CKAP2L: variants seen among roughly 807,000 people sequenced by gnomAD.
The protein encoded by CKAP2L is cytoskeleton-associated protein 2-like.
Under a neutral mutation model 65.7 loss-of-function variants are expected in CKAP2L, and 42 were observed. That is an observed-to-expected ratio of 0.64 (90% confidence interval 0.50 to 0.83). The LOEUF (loss-of-function observed/expected upper bound fraction) is 0.83. Ranked by LOEUF, CKAP2L falls within the 40% of genes least tolerant of loss-of-function variation. CKAP2L has a pLI of 0.00. For missense variants in CKAP2L, 908 were observed against 871.0 expected (o/e 1.04, Z -0.53); for synonymous variants, 325 against 313.5 (o/e 1.04, Z -0.39).
rs1680834335 is a variant in CKAP2L, at chr2:112,764,428, T to C, written c.37+134A>G. On this transcript the variant is annotated intron_variant, in intron 1 of 8. Coordinates refer to ENST00000302450, the MANE Select transcript of CKAP2L (RefSeq NM_152515.5). Reference sequence around the variant, plus strand: ...GGGGGTCCCGTCTGCGCTCCCGGGATGGAAAACGCCCAGGGGAAACTTAGG... The same window carrying C: ...GGGGGTCCCGTCTGCGCTCCCGGGACGGAAAACGCCCAGGGGAAACTTAGG... 1.3e-5 allele frequency: 13 copies of C among 991,924 alleles called. No individual in the cohort carries two copies. In the South Asian group the frequency reaches 1.8e-4, roughly 13 times the overall value. The allele number at this position is 991,924 out of a possible 1,614,324, so 61.4% of individuals were successfully genotyped here.
intron 4 of CKAP2L, among the ~76,000 whole-genome samples, chr2:112,755,740 A>C (rs900365813): frequency 6.9e-6 from 1 of 144,604 alleles, no homozygotes; most frequent in Non-Finnish European, 1.5e-5. Flanking sequence ...CTTAAAAAGA[A>C]AAAAAAAAAG....
chr2:112,742,858 T>A, intron 6 of CKAP2L, 89 bp from the exon 7 acceptor site: 1 of 819,870 alleles, frequency 1.2e-6, no homozygotes, highest in Non-Finnish European at 2.0e-6. Context: ...ACATGTTTTA[T>A]AATAAAAGTT....
rs531742234 is a variant in CKAP2L at position 112,737,089 on chromosome 2, C to A, written c.*1734G>T. 1 of 152,172 alleles carries A rather than the reference C, an allele frequency of 6.6e-6. No individual in the cohort carries two copies. Among genetic ancestry groups the A allele is most frequent in the Admixed American group, 6.5e-5 (1 of 15,270 alleles). The allele number at this position is 152,172 out of a possible 1,614,324, so 9.4% of individuals were successfully genotyped here. On this transcript the variant is annotated 3_prime_UTR_variant, in exon 9 of 9. Coordinates refer to ENST00000302450, the MANE Select transcript of CKAP2L (RefSeq NM_152515.5). ...TTACAGGTGCCCGTCACCATGCCCG[C>A]CTACTTTTTGTATTTTTAGTAGAGA...
At chr2:112,744,686 G>A (rs1016073118) in intron 6 of CKAP2L, among the ~76,000 whole-genome samples, 4 of 152,132 alleles carry the variant, frequency 2.6e-5, no homozygotes, top group African/African-American at 7.2e-5. Context: ...CTAGCTCCCA[G>A]GAAGGAGATT....
Position 112,738,701 on chromosome 2 carries a change from A to C in CKAP2L, c.*122T>G. The C allele has an allele frequency of 1.5e-6, 1 of 658,404 alleles. No homozygotes were observed. The highest frequency in any genetic ancestry group is 1.8e-5 in the African/African-American group (1 of 54,908). The allele number at this position is 658,404 out of a possible 1,614,324, so 40.8% of individuals were successfully genotyped here. A position where few individuals can be genotyped will look rare whatever the true frequency, so the allele number is the denominator to read the frequency against. On this transcript the variant is annotated 3_prime_UTR_variant, in exon 9 of 9. Transcript: ENST00000302450. ...GAGAGTAAGCCCAGTGAATTACTTAAGTCCTGAGCGTCCATAATCTGCATC... is the reference window on the plus strand; with the variant it reads ...GAGAGTAAGCCCAGTGAATTACTTACGTCCTGAGCGTCCATAATCTGCATC...
In CKAP2L at chr2:112,737,877, T is replaced by C. The variant is rs909387534; in HGVS notation, c.*946A>G. ...AATAAGATAAACAAGCAGGAACTAA[T>C]AGAAATTTAATGTTGTTTTAAGATA... On this transcript the variant is annotated 3_prime_UTR_variant, in exon 9 of 9. Coordinates refer to ENST00000302450, the MANE Select transcript of CKAP2L (RefSeq NM_152515.5). 5 of 152,216 alleles carry C rather than the reference T, an allele frequency of 3.3e-5. No individual in the cohort carries two copies. The highest frequency in any genetic ancestry group is 4.8e-5 in the African/African-American group (2 of 41,462). The allele number at this position is 152,216 out of a possible 1,614,324, so 9.4% of individuals were successfully genotyped here.
At chr2:112,750,707 TAA>T (rs757981583) in intron 5 of CKAP2L, among the ~76,000 whole-genome samples, 1 of 151,456 alleles carries the variant, frequency 6.6e-6, no homozygotes, top group African/African-American at 2.4e-5. Context: ...TCCTGACTGA[TAA>T]AGAGTATTAC....
intron 1 of CKAP2L, among the ~76,000 whole-genome samples, 182 bp from the exon 2 acceptor site, chr2:112,762,751 T>C (rs535893212): frequency 1.8e-4 from 27 of 152,094 alleles, no homozygotes; most frequent in Non-Finnish European, 2.9e-5. Context: ...ATCATTTATA[T>C]GCCAGGCCTA....
At chr2:112,758,470 T>C (rs538539846) in intron 3 of CKAP2L, among the ~76,000 whole-genome samples, 2 of 152,346 alleles carry the variant, frequency 1.3e-5, no homozygotes, top group Non-Finnish European at 2.9e-5. Context: ...CAGAACCATT[T>C]GGCATTGAGG....
intron 6 of CKAP2L, among the ~76,000 whole-genome samples, chr2:112,745,128 G>T (rs1680165149): frequency 1.3e-5 from 2 of 152,148 alleles, no homozygotes; most frequent in African/African-American, 4.8e-5. Context: ...AAAGTAACTT[G>T]TTCAGTCTGG....
chr2:112,753,342 T>A (rs1345764505), intron 4 of CKAP2L, among the ~76,000 whole-genome samples: 1 of 152,214 alleles, frequency 6.6e-6, no homozygotes, highest in East Asian at 1.9e-4. Flanking sequence ...CTTTGGTAAA[T>A]AGCACCCCAG....
intron 6 of CKAP2L, 25 bp downstream of exon 6, chr2:112,746,395 T>C (rs1680201204): frequency 1.3e-6 from 2 of 1,553,980 alleles, no homozygotes; most frequent in South Asian, 1.2e-5. Context: ...TTTTAAGAAG[T>C]TACCCACCCA....
intron 4 of CKAP2L, among the ~76,000 whole-genome samples, chr2:112,754,207 C>T (rs1030762318): frequency 6.6e-6 from 1 of 152,204 alleles, no homozygotes; most frequent in Non-Finnish European, 1.5e-5. Context: ...CCCCTAACGC[C>T]CCCCTCCTGG....
intron 1 of CKAP2L, 56 bp downstream of exon 1, chr2:112,764,506 A>G: frequency 6.3e-7 from 1 of 1,595,656 alleles, no homozygotes; most frequent in Non-Finnish European, 8.6e-7. Context: ...GTGGCCTCCT[A>G]CTTCCCCGGC....
chr2:112,747,879 T>C (rs1680252977), intron 5 of CKAP2L, among the ~76,000 whole-genome samples: 1 of 152,184 alleles, frequency 6.6e-6, no homozygotes, highest in African/African-American at 2.4e-5. Context: ...AGAGAGAGTA[T>C]TGCTATCCTA....
intron 1 of CKAP2L, among the ~76,000 whole-genome samples, chr2:112,762,922 T>A (rs1213525646): frequency 6.6e-6 from 1 of 152,102 alleles, no homozygotes; most frequent in Non-Finnish European, 1.5e-5. Flanking sequence ...TAGCTGGGAA[T>A]ACAGGCGTGT....
rs1271516976 is a variant in CKAP2L at position 112,737,388 on chromosome 2, TTA to T, written c.*1433_*1434del. 1 of 152,218 alleles carries T rather than the reference TTA, an allele frequency of 6.6e-6. No individual in the cohort carries two copies. The highest frequency in any genetic ancestry group is 1.9e-4 in the East Asian group (1 of 5,208). The allele number at this position is 152,218 out of a possible 1,614,324, so 9.4% of individuals were successfully genotyped here. Reference sequence around the variant, plus strand: ...CTTTTCTCCACAATCTCATCAACATTTATCTCATGTCTTGTTAATAGCCATTC... The same window carrying T: ...CTTTTCTCCACAATCTCATCAACATTTCTCATGTCTTGTTAATAGCCATTC... On this transcript the variant is annotated 3_prime_UTR_variant, in exon 9 of 9. Coordinates refer to ENST00000302450, the MANE Select transcript of CKAP2L (RefSeq NM_152515.5).
chr2:112,740,876 C>T lies in CKAP2L; in HGVS notation c.1954G>A (p.Ala652Thr), dbSNP rs1679891907. 2 of 1,613,976 alleles carry T rather than the reference C, an allele frequency of 1.2e-6. No homozygotes were observed. The highest frequency in any genetic ancestry group is 1.3e-5 in the African/African-American group (1 of 74,926). ...GGATAATTATGCTGTTCTGCCTTGG[C>T]TATTCGGGGTGTCGCCGTGACTTGT... The part of the protein sequence containing the change: ...REQVTATPRI[A>T]KAEQHNYPGI... Residue 652 changes from alanine to threonine, a missense_variant, in exon 8 of 9, where the codon GCC becomes ACC. Physicochemically the swap from Ala to Thr is moderately conservative, Grantham distance 58. Coordinates refer to ENST00000302450, the MANE Select transcript of CKAP2L (RefSeq NM_152515.5).
intron 6 of CKAP2L, among the ~76,000 whole-genome samples, chr2:112,743,277 G>C (rs1483603074): frequency 6.6e-6 from 1 of 151,788 alleles, no homozygotes; most frequent in Non-Finnish European, 1.5e-5. Flanking sequence ...CAAGTAGCTG[G>C]GACTACAGGC....
Sources: allele counts gnomAD v4.1 joint callset (sites outside exome capture counted in the v4.1 genomes callset), GRCh38; gene constraint gnomAD v4.1.1; transcripts MANE v1.5; gene names NCBI Gene and HGNC (gene_info 2026-07-23, HGNC 2026-07-21).